RSF1: variants seen among roughly 807,000 people sequenced by gnomAD.
RSF1 encodes HBV pX-associated protein 8.
In RSF1, 13 loss-of-function variants were observed where a neutral mutation model predicts 145.2. The ratio of observed to expected loss-of-function variants is 0.09; its 90% CI spans 0.06 to 0.14. The LOEUF is 0.14. Ranked by LOEUF, RSF1 falls within the 10% of genes least tolerant of loss-of-function variation. The pLI, the probability that RSF1 is intolerant of heterozygous loss-of-function variation, is 1.00. For synonymous variants in RSF1, 577 were observed against 592.6 expected, an observed-to-expected ratio of 0.97 and a Z score of 0.38; for missense variants, 1,517 against 1,718.2, an observed-to-expected ratio of 0.88 and a Z score of 2.07.
In RSF1 at chr11:77,664,975, TTTTA is replaced by T. The variant is rs1157513651; in HGVS notation, c.*1938_*1941del. The T allele has an allele frequency of 1.3e-5, 2 of 152,230 alleles. No individual in the cohort carries two copies. Among genetic ancestry groups the T allele is most frequent in the African/African-American group, 4.8e-5 (2 of 41,458 alleles). 9.4% of individuals were successfully genotyped at this position (152,230 alleles called of 1,614,324 possible). A position where few individuals can be genotyped will look rare whatever the true frequency, so the allele number is the denominator to read the frequency against. ...TCCTATTTTTAGGTTGCTTTCATTA[TTTTA>T]TTTTTTATACAGATACATACACATT... On this transcript the variant is annotated 3_prime_UTR_variant, in exon 16 of 16. Coordinates refer to ENST00000308488, the MANE Select transcript of RSF1 (RefSeq NM_016578.4).
At chr11:77,748,414 G>C (rs775840038) in intron 2 of RSF1, among the ~76,000 whole-genome samples, 2 of 151,562 alleles carry the variant, frequency 1.3e-5, no homozygotes, top group Non-Finnish European at 2.9e-5. Context: ...TTGTAGAGAC[G>C]GGGTTTCTTC....
At chr11:77,817,173 AT>A (rs1256475889) in intron 1 of RSF1, among the ~76,000 whole-genome samples, 1 of 152,236 alleles carries the variant, frequency 6.6e-6, no homozygotes, top group Non-Finnish European at 1.5e-5. Context: ...GCCAGAAATA[AT>A]AACACTTCCA....
At chr11:77,808,627 G>A (rs988418865) in intron 1 of RSF1, among the ~76,000 whole-genome samples, 3 of 86,468 alleles carry the variant, frequency 3.5e-5, no homozygotes, top group Admixed American at 1.8e-4. Context: ...TCCGCCTCCC[G>A]GGTTCACGCC....
At chr11:77,748,081 C>T (rs1166008345) in intron 2 of RSF1, among the ~76,000 whole-genome samples, 1 of 152,068 alleles carries the variant, frequency 6.6e-6, no homozygotes, top group Non-Finnish European at 1.5e-5. Context: ...AGGTGGGTTA[C>T]CCTTTTCCTA....
intron 1 of RSF1, among the ~76,000 whole-genome samples, chr11:77,814,769 G>A (rs2135991410): frequency 6.6e-6 from 1 of 152,302 alleles, no homozygotes; most frequent in East Asian, 1.9e-4. Context: ...TTATAAAGTA[G>A]GCATTCACCT....
chr11:77,697,568 GATTCTC>G (rs1449469765), intron 7 of RSF1, among the ~76,000 whole-genome samples: 1 of 144,870 alleles, frequency 6.9e-6, no homozygotes, highest in Non-Finnish European at 1.5e-5. Context: ...ATTAGATATT[GATTCTC>G]CTGATTCAGG....
chr11:77,766,152 T>A (rs973142049), intron 1 of RSF1, among the ~76,000 whole-genome samples: 5 of 147,554 alleles, frequency 3.4e-5, no homozygotes, highest in Non-Finnish European at 5.9e-5. Context: ...AAAAAAAAAG[T>A]TGTTTTTTTA....
At chr11:77,749,453 A>G (rs1455083055) in intron 2 of RSF1, among the ~76,000 whole-genome samples, 1 of 152,184 alleles carries the variant, frequency 6.6e-6, no homozygotes, top group African/African-American at 2.4e-5. Flanking sequence ...CCCAGAGGCT[A>G]ATGCCAAGTA....
At chr11:77,721,468 G>T (rs1292680885) in intron 5 of RSF1, among the ~76,000 whole-genome samples, 4 of 152,178 alleles carry the variant, frequency 2.6e-5, no homozygotes, top group Non-Finnish European at 1.5e-5. Flanking sequence ...AGCATTAAAA[G>T]GGCACAGGGA....
At chr11:77,710,172 T>C (rs1179931348) in intron 5 of RSF1, among the ~76,000 whole-genome samples, 2 of 152,152 alleles carry the variant, frequency 1.3e-5, no homozygotes, top group Non-Finnish European at 2.9e-5. Context: ...AAAAAAATTG[T>C]TGACAAGTAA....
At chr11:77,743,612 T>A (rs1346861022) in intron 3 of RSF1, among the ~76,000 whole-genome samples, 1 of 152,238 alleles carries the variant, frequency 6.6e-6, no homozygotes. Flanking sequence ...TCTAATAGTC[T>A]GTTGGTAGAG....
rs759444280 is a variant in RSF1 at position 77,698,711 on chromosome 11, A to T, written c.2509-18T>A. On this transcript the variant is annotated intron_variant, in intron 6 of 15. Transcript: ENST00000308488. Reference sequence around the variant, plus strand: ...GGTTTTACCTTGTATAAAATAAAAAAAATTGGGATAATTTGATATAAGAAT... The same window carrying T: ...GGTTTTACCTTGTATAAAATAAAAATAATTGGGATAATTTGATATAAGAAT... The T allele has an allele frequency of 6.3e-7, 1 of 1,598,822 alleles. No individual in the cohort carries two copies. Among genetic ancestry groups the T allele is most frequent in the African/African-American group, 1.3e-5 (1 of 74,426 alleles).
chr11:77,821,954 G>C (rs1948927231), upstream of RSF1, among the ~76,000 whole-genome samples: 1 of 151,862 alleles, frequency 6.6e-6, no homozygotes, highest in Non-Finnish European at 1.5e-5. Context: ...ACATCATACG[G>C]TATTACTAGA....
the RSF1 span, among the ~76,000 whole-genome samples, chr11:77,857,571 T>TTTTA: frequency 5.9e-5 from 9 of 152,128 alleles, no homozygotes; most frequent in East Asian, 1.9e-4. Context: ...GATTATTTTG[T>TTTTA]TTTATTTATT....
chr11:77,668,887 C>T (rs749187135), intron 15 of RSF1, among the ~76,000 whole-genome samples: 6 of 147,290 alleles, frequency 4.1e-5, no homozygotes, highest in Non-Finnish European at 7.4e-5. Context: ...CCTAGTCTCA[C>T]AACTTGGCAT....
rs1225103987 is a variant in RSF1 at position 77,671,138 on chromosome 11, AATATATATATATATAT to A, written c.3751+888_3751+903del. On this transcript the variant is annotated intron_variant, in intron 15 of 15. Transcript: ENST00000308488. ...AAAAAAAAAAAAAAAAAAAAAAAAA[AATATATATATATATAT>A]ATATATATATATATATATATATATT... Among the ~76,000 whole-genome samples the A allele has an allele frequency of 6.3e-3, 139 of 22,026 alleles. 6 individuals carry two copies. The highest frequency in any genetic ancestry group is 0.022 in the African/African-American group (113 of 5,176). 14.4% of individuals were successfully genotyped at this position (22,026 alleles called of 152,430 possible). A position where few individuals can be genotyped will look rare whatever the true frequency, so the allele number is the denominator to read the frequency against.
intron 5 of RSF1, chr11:77,703,107 T>C (rs979914880): frequency 6.6e-6 from 1 of 152,196 alleles, no homozygotes; most frequent in Non-Finnish European, 1.5e-5. Flanking sequence ...TTTTATAAAA[T>C]GATGCCTTTT....
the RSF1 span, among the ~76,000 whole-genome samples, chr11:77,870,665 A>G: frequency 2.2e-4 from 33 of 152,088 alleles, no homozygotes; most frequent in East Asian, 5.6e-3. Flanking sequence ...CAGAAATAAT[A>G]TATGCTCATT....
chr11:77,752,278 C>T (rs1948070702), intron 2 of RSF1, among the ~76,000 whole-genome samples: 2 of 152,164 alleles, frequency 1.3e-5, no homozygotes, highest in African/African-American at 4.8e-5. Context: ...TACCTGGGGG[C>T]CAGGCATGTC....
Sources: gnomAD v4.1 joint callset for allele counts (sites outside exome capture counted in the v4.1 genomes callset) on GRCh38, gnomAD v4.1.1 for gene constraint, MANE v1.5 for transcripts, NCBI Gene and HGNC (gene_info 2026-07-23, HGNC 2026-07-21) for gene names.